Variants in IPO8 observed in about 807,000 individuals in gnomAD.
IPO8 encodes importin-8.
Under a neutral mutation model 141.2 loss-of-function variants are expected in IPO8, and 65 were observed. That is an observed-to-expected ratio of 0.46 (90% CI 0.38 to 0.57). The LOEUF (loss-of-function observed/expected upper bound fraction) is 0.57. Ranked by LOEUF, IPO8 falls within the 20% of genes least tolerant of loss-of-function variation. IPO8 has a pLI of 0.00. For synonymous variants in IPO8, 411 were observed against 420.3 expected, an observed-to-expected ratio of 0.98 and a Z score of 0.27; for missense variants, 980 against 1,246.8, an observed-to-expected ratio of 0.79 and a Z score of 3.22.
chr12:30,649,199 A>G lies in IPO8; in HGVS notation c.2206T>C (p.Cys736Arg). The change falls in exon 20 of 25, where the codon TGT becomes CGT. Residue 736 changes from cysteine to arginine, a missense_variant. Around this residue, in one of 3 missense-constraint regions of IPO8, gnomAD observed 924 missense variants for 1,153.9 expected, o/e 0.80. Coordinates refer to ENST00000256079, the MANE Select transcript of IPO8 (RefSeq NM_006390.4). Reference protein sequence around the residue: ...LCGDAGEDAECHAAKLLEVII... With the variant: ...LCGDAGEDAERHAAKLLEVII... ...ACTTCCAGAAGTTTAGCTGCATGACACTCTGCATCTTCTCCTGCATCTCCA... is the reference window on the plus strand; with the variant it reads ...ACTTCCAGAAGTTTAGCTGCATGACGCTCTGCATCTTCTCCTGCATCTCCA... 1 of 1,613,162 alleles carries G rather than the reference A, an allele frequency of 6.2e-7. No homozygotes were observed. Among genetic ancestry groups the G allele is most frequent in the Non-Finnish European group, 8.5e-7 (1 of 1,179,382 alleles).
intron 20 of IPO8, among the ~76,000 whole-genome samples, chr12:30,644,366 C>A (rs1306163331): frequency 1.8e-5 from 2 of 113,144 alleles, no homozygotes; most frequent in East Asian, 2.3e-4. Flanking sequence ...GAGATCCAAT[C>A]TCCATTAAAA....
At chr12:30,643,572 A>C (rs552457792) in intron 20 of IPO8, among the ~76,000 whole-genome samples, 6 of 152,322 alleles carry the variant, frequency 3.9e-5, no homozygotes, top group African/African-American at 1.4e-4. Context: ...TGTTTGAGTC[A>C]TGGTAGTGGT....
At position 30,630,240 on chromosome 12, in the gene IPO8, T is replaced by C. The variant is rs1310548603; in HGVS notation, c.*620A>G. 1 of 152,060 alleles carries C rather than the reference T, an allele frequency of 6.6e-6. No individual in the cohort carries two copies. Among genetic ancestry groups the C allele is most frequent in the Non-Finnish European group, 1.5e-5 (1 of 68,016 alleles). 9.4% of individuals were successfully genotyped at this position (152,060 alleles called of 1,614,324 possible). ...CTTTAAAAAGCCACAAAACATCTTA[T>C]GAAAAACCACAGCCAGTGCATATTT... On this transcript the variant is annotated 3_prime_UTR_variant, in exon 25 of 25. Coordinates refer to ENST00000256079, the MANE Select transcript of IPO8 (RefSeq NM_006390.4).
At chr12:30,666,274 C>A in intron 10 of IPO8, 23 bp from the exon 11 acceptor site, 1 of 1,485,624 alleles carries the variant, frequency 6.7e-7, no homozygotes, top group Non-Finnish European at 9.2e-7. Context: ...AAGGTTAAAA[C>A]CATGTTAGTG....
intron 1 of IPO8, among the ~76,000 whole-genome samples, chr12:30,693,613 A>G (rs1213586968): frequency 6.6e-6 from 1 of 152,240 alleles, no homozygotes; most frequent in Admixed American, 6.5e-5. Context: ...GTGGTGGCAA[A>G]GGACAAGCAG....
intron 1 of IPO8, among the ~76,000 whole-genome samples, chr12:30,691,527 C>T (rs538647483): frequency 6.6e-6 from 1 of 152,316 alleles, no homozygotes; most frequent in South Asian, 2.1e-4. Context: ...ACGTTATATC[C>T]AGATGTACAG....
chr12:30,665,125 A>G, intron 13 of IPO8, 95 bp downstream of exon 13: 1 of 702,738 alleles, frequency 1.4e-6, no homozygotes, highest in South Asian at 1.9e-5. Context: ...TTTCATCTCA[A>G]TATGTGGCAA....
chr12:30,660,942 TTACAA>T (rs367810241), intron 16 of IPO8, among the ~76,000 whole-genome samples, 194 bp downstream of exon 16: 80,473 of 149,384 alleles, frequency 0.54, 22,534 homozygotes, highest in African/African-American at 0.66. Context: ...CATTATAATA[TTACAA>T]ATATTATGAT....
intron 19 of IPO8, among the ~76,000 whole-genome samples, chr12:30,651,728 T>G (rs1419401445): frequency 6.6e-6 from 1 of 152,078 alleles, no homozygotes; most frequent in African/African-American, 2.4e-5. Context: ...AGGATAACAG[T>G]AGCCATTATG....
Position 30,695,037 on chromosome 12 carries a change from C to T in IPO8, c.84+527G>A, listed in dbSNP as rs537068374. Reference sequence around the variant, plus strand: ...AAAACTGCCTATTCTTCCCAGAGCACTCTCCCAACAGCACTGCCCAGCGCT... The same window carrying T: ...AAAACTGCCTATTCTTCCCAGAGCATTCTCCCAACAGCACTGCCCAGCGCT... On this transcript the variant is annotated intron_variant, in intron 1 of 24. Coordinates refer to ENST00000256079, the MANE Select transcript of IPO8 (RefSeq NM_006390.4). The surrounding 1 kb of genome is among the most constrained non-coding windows in gnomAD (Gnocchi z 4.2). 5.7e-4 allele frequency: 259 copies of T among 456,552 alleles called. 3 individuals are homozygous for T. Among genetic ancestry groups the T allele is most frequent in the South Asian group, 3.0e-3 (191 of 64,566 alleles). 28.3% of individuals were successfully genotyped at this position (456,552 alleles called of 1,614,324 possible).
At position 30,649,127 on chromosome 12, in the gene IPO8, C is replaced by T; in HGVS notation, c.2268+10G>A. ...ACCCTCAAGTAAGGCACTTTCCAGA[C>T]ATATATTACCTGATCAATTCCCCTT... On this transcript the variant is annotated intron_variant, in intron 20 of 24. Transcript: ENST00000256079. 6.3e-7 allele frequency: 1 copy of T among 1,580,678 alleles called. No individual in the cohort carries two copies. The highest frequency in any genetic ancestry group is 8.7e-7 in the Non-Finnish European group (1 of 1,152,444).
intron 5 of IPO8, among the ~76,000 whole-genome samples, chr12:30,678,121 T>C (rs1232856610): frequency 8.3e-6 from 1 of 121,136 alleles, no homozygotes; most frequent in African/African-American, 3.1e-5. Flanking sequence ...GGAGACTCCA[T>C]CTCAAAAAAA....
At chr12:30,673,877 T>A (rs1408960004) in intron 8 of IPO8, 113 bp downstream of exon 8, 1 of 587,170 alleles carries the variant, frequency 1.7e-6, no homozygotes. Flanking sequence ...TGTCCTTCCA[T>A]CCTCTATAAA....
At chr12:30,675,559 G>A (rs1035865539) in intron 6 of IPO8, among the ~76,000 whole-genome samples, 7 of 151,984 alleles carry the variant, frequency 4.6e-5, no homozygotes, top group African/African-American at 1.7e-4. Flanking sequence ...CAGGCGCGGT[G>A]GCTCACGCCT....
At chr12:30,665,675 A>AT in intron 12 of IPO8, 54 bp downstream of exon 12, 2 of 1,126,752 alleles carry the variant, frequency 1.8e-6, no homozygotes, top group South Asian at 2.6e-5. Flanking sequence ...ATATTCTCTC[A>AT]TTTGCCTGTA....
At position 30,640,685 on chromosome 12, in the gene IPO8, C is replaced by T. The variant is rs377047320; in HGVS notation, c.2269-950G>A. 2.0e-4 allele frequency among the ~76,000 whole-genome samples: 31 copies of T among 152,238 alleles called. 1 individual carries two copies. The East Asian group carries it at 3.7e-3, about 18-fold the overall frequency. ...TCAAATAATTAGTTGTGGATAAACG[C>T]AGCCACAAGAAAATATAAATTAAGT... is the stretch of plus-strand genomic sequence containing the variant. On this transcript the variant is annotated intron_variant, in intron 20 of 24. Transcript: ENST00000256079.
chr12:30,637,953 C>T (rs1317485564), intron 21 of IPO8, among the ~76,000 whole-genome samples: 1 of 152,186 alleles, frequency 6.6e-6, no homozygotes, highest in Non-Finnish European at 1.5e-5. Context: ...ATTCTACAGG[C>T]TTCTGTTATT....
rs762956690 is a variant in IPO8 at position 30,652,212 on chromosome 12, G to T, written c.2152C>A (p.Leu718Ile). ...LLSNAKHLEILFTMCRKVLCG... is the reference protein window; with the variant it reads ...LLSNAKHLEIIFTMCRKVLCG... ...CTTACCTTCCTACACATTGTAAAAAGAATTTCTAAATGTTTTGCATTTGAT... is the reference window on the plus strand; with the variant it reads ...CTTACCTTCCTACACATTGTAAAAATAATTTCTAAATGTTTTGCATTTGAT... The change falls in exon 19 of 25, where the codon CTT (leucine) becomes ATT (isoleucine). Residue 718 changes from leucine to isoleucine, a missense_variant. Transcript: ENST00000256079. The T allele has an allele frequency of 1.3e-6, 2 of 1,581,472 alleles. No individual in the cohort carries two copies. Among genetic ancestry groups the T allele is most frequent in the Admixed American group, 3.4e-5 (2 of 59,628 alleles).
At chr12:30,639,454 AAT>A (rs1282522262) in intron 21 of IPO8, 59 bp downstream of exon 21, 17 of 1,127,904 alleles carry the variant, frequency 1.5e-5, no homozygotes, top group Non-Finnish European at 2.3e-5. Context: ...ATTATACACA[AAT>A]ATTAAAAAGC....
Sources: allele counts gnomAD v4.1 joint callset (sites outside exome capture counted in the v4.1 genomes callset), GRCh38; gene constraint gnomAD v4.1.1; regional missense constraint gnomAD v4.1.1; non-coding constraint Gnocchi (gnomAD v3.1); transcripts MANE v1.5; gene names NCBI Gene and HGNC (gene_info 2026-07-23, HGNC 2026-07-21).